CRAT: variants seen among roughly 807,000 people sequenced by gnomAD.
CRAT encodes the protein carnitine acetylase.
In CRAT, 66 loss-of-function variants were observed where a neutral mutation model predicts 73.7. The ratio of observed to expected loss-of-function variants is 0.90; its 90% CI spans 0.73 to 1.10. The LOEUF (loss-of-function observed/expected upper bound fraction) is 1.10, where lower values mean the gene tolerates loss of function less well. Among genes scored for constraint, CRAT ranks in the 50% least tolerant of loss-of-function variants. The pLI is 0.00. For synonymous variants in CRAT, 321 were observed against 343.2 expected (o/e 0.94, Z 0.71); for missense variants, 745 against 846.9 (o/e 0.88, Z 1.49).
At chr9:129,096,365 G>A (rs1427480121) in intron 12 of CRAT, among the ~76,000 whole-genome samples, 1 of 152,246 alleles carries the variant, frequency 6.6e-6, no homozygotes, top group Non-Finnish European at 1.5e-5. Context: ...GTAGGGCAGG[G>A]CCCTGGAGCT....
In CRAT at chr9:129,107,332, G is replaced by A. The variant is rs1848076586; in HGVS notation, c.291+482C>T. ...TAGGTGTGAGTCACTGCATCCAGCTGCCACTTTTTAAATCTGTGTATTGAA... is the reference window on the plus strand; with the variant it reads ...TAGGTGTGAGTCACTGCATCCAGCTACCACTTTTTAAATCTGTGTATTGAA... On this transcript the variant is annotated intron_variant, in intron 2 of 13. Transcript: ENST00000318080. This position sits in a 1 kb window ranked among gnomAD's most constrained non-coding sequence, Gnocchi z 5.0. The A allele has an allele frequency of 4.8e-6, 2 of 414,804 alleles. No individual in the cohort carries two copies. Among genetic ancestry groups the A allele is most frequent in the South Asian group, 6.2e-5 (2 of 32,052 alleles). 25.7% of individuals were successfully genotyped at this position (414,804 alleles called of 1,614,324 possible). A position where few individuals can be genotyped will look rare whatever the true frequency, so the allele number is the denominator to read the frequency against.
rs1158030066 is a variant in CRAT, at chr9:129,103,301, A to G, written c.411-235T>C. Reference sequence around the variant, plus strand: ...AGGGCTCGGGGAAGTGCTGGTGGCCAAGGGCCTAGTAGGACTTGGGTGCTG... The same window carrying G: ...AGGGCTCGGGGAAGTGCTGGTGGCCGAGGGCCTAGTAGGACTTGGGTGCTG... On this transcript the variant is annotated intron_variant, in intron 3 of 13. Coordinates refer to ENST00000318080, the MANE Select transcript of CRAT (RefSeq NM_000755.5). The surrounding 1 kb of genome is among the most constrained non-coding windows in gnomAD (Gnocchi z 4.6). Among the ~76,000 whole-genome samples, 3 of 152,140 alleles carry G rather than the reference A, an allele frequency of 2.0e-5. No homozygotes were observed. The highest frequency in any genetic ancestry group is 4.4e-5 in the Non-Finnish European group (3 of 68,000).
chr9:129,108,539 G>T, intron 1 of CRAT: 1 of 1,145,854 alleles, frequency 8.7e-7, no homozygotes, highest in Non-Finnish European at 1.1e-6. Flanking sequence ...GACAATGGCA[G>T]CACCTTCGGG....
At chr9:129,100,915 G>A (rs1213987566) in intron 6 of CRAT, among the ~76,000 whole-genome samples, 3 of 152,160 alleles carry the variant, frequency 2.0e-5, no homozygotes, top group African/African-American at 2.4e-5. Context: ...AGCACTCCTC[G>A]AGGCAGGGCC....
intron 1 of CRAT, chr9:129,109,116 T>C (rs543162685): frequency 2.4e-4 from 307 of 1,301,328 alleles, no homozygotes; most frequent in Admixed American, 3.5e-4. Context: ...GAAAGTTCTT[T>C]CCTTTCTTCT....
At chr9:129,099,821 T>C (rs1420092382) in intron 8 of CRAT, 45 bp downstream of exon 8, 1 of 1,441,472 alleles carries the variant, frequency 6.9e-7, no homozygotes, top group Admixed American at 1.7e-5. Flanking sequence ...GTGTCACCTG[T>C]CACTAGAAGC....
chr9:129,101,125 T>TCTA (rs1354299356), intron 6 of CRAT, among the ~76,000 whole-genome samples: 7 of 152,190 alleles, frequency 4.6e-5, no homozygotes, highest in African/African-American at 1.7e-4. Context: ...GGACTTGGAC[T>TCTA]CTAATCCTAA....
intron 11 of CRAT, 174 bp downstream of exon 11, chr9:129,097,839 C>T (rs1847378218): frequency 4.5e-6 from 4 of 892,430 alleles, no homozygotes; most frequent in African/African-American, 1.7e-5. Flanking sequence ...CTCCCTTTTC[C>T]TCTTTGGTCC....
intron 1 of CRAT, chr9:129,109,333 G>C: frequency 8.0e-7 from 1 of 1,243,656 alleles, no homozygotes; most frequent in South Asian, 1.3e-5. Flanking sequence ...ATCAGTGGAT[G>C]GGACAGCCAG....
chr9:129,100,505 C>T lies in CRAT; in HGVS notation c.984+6G>A, dbSNP rs1358820190. 4 of 1,610,754 alleles carry T rather than the reference C, an allele frequency of 2.5e-6. No individual in the cohort carries two copies. The highest frequency in any genetic ancestry group is 3.4e-6 in the Non-Finnish European group (4 of 1,178,610). ...TGTGAGTGGGCGAAGCCCTGCCGGG[C>T]CTCACCTGCAGCGTCTTGTCGAACC... On this transcript the variant is annotated splice_donor_region_variant and intron_variant, in intron 7 of 13. Transcript: ENST00000318080.
chr9:129,106,166 G>T lies in CRAT; in HGVS notation c.291+1648C>A, dbSNP rs1848003548. 6.6e-6 allele frequency among the ~76,000 whole-genome samples: 1 copy of T among 152,142 alleles called. No individual in the cohort carries two copies. Among genetic ancestry groups the T allele is most frequent in the African/African-American group, 2.4e-5 (1 of 41,418 alleles). On this transcript the variant is annotated intron_variant, in intron 2 of 13. Transcript: ENST00000318080. The surrounding 1 kb of genome is among the most constrained non-coding windows in gnomAD (Gnocchi z 4.0). ...GCAACTTGGCAAGGGGTGAGGGGGAGGCAACTTGTCCCCAAGTTGTACAAC... is the reference window on the plus strand; with the variant it reads ...GCAACTTGGCAAGGGGTGAGGGGGATGCAACTTGTCCCCAAGTTGTACAAC...
At position 129,107,278 on chromosome 9, in the gene CRAT, C is replaced by T. The variant is rs564691101; in HGVS notation, c.291+536G>A. On this transcript the variant is annotated intron_variant, in intron 2 of 13. Coordinates refer to ENST00000318080, the MANE Select transcript of CRAT (RefSeq NM_000755.5). The surrounding 1 kb of genome is among the most constrained non-coding windows in gnomAD (Gnocchi z 5.0). ...CGAACTCCTGACCTTGTGATCTGCC[C>T]GCCTTGGACTCCCAAAGTGCTGGGA... 2.7e-5 allele frequency: 7 copies of T among 255,768 alleles called. No homozygotes were observed. The highest frequency in any genetic ancestry group is 9.7e-5 in the East Asian group (1 of 10,332). The allele number at this position is 255,768 out of a possible 1,614,324, so 15.8% of individuals were successfully genotyped here.
chr9:129,097,114 A>G lies in CRAT; in HGVS notation c.1527+136T>C, dbSNP rs3739842. On this transcript the variant is annotated intron_variant, in intron 12 of 13. Coordinates refer to ENST00000318080, the MANE Select transcript of CRAT (RefSeq NM_000755.5). Reference sequence around the variant, plus strand: ...GTTGGGGGCTATTCAGCCTGGCTCCAGGTGCTCCCAGGTTGGGGGAGATGT... The same window carrying G: ...GTTGGGGGCTATTCAGCCTGGCTCCGGGTGCTCCCAGGTTGGGGGAGATGT... The G allele has an allele frequency of 2.0e-3, 1,286 of 647,682 alleles. 25 individuals carry two copies. In the East Asian group the frequency reaches 0.037, roughly 19 times the overall value. The allele number at this position is 647,682 out of a possible 1,614,324, so 40.1% of individuals were successfully genotyped here.
rs1026027180 is a variant in CRAT at position 129,103,894 on chromosome 9, CG to C, written c.410+293del. ...AGAGGTGAAGTGCTAAAACTGGGGT[CG>C]GGGAGAAGCCTCAGGTATGGAGGAG... On this transcript the variant is annotated intron_variant, in intron 3 of 13. Transcript: ENST00000318080. The surrounding 1 kb of genome is among the most constrained non-coding windows in gnomAD (Gnocchi z 4.6). 5.0e-4 allele frequency among the ~76,000 whole-genome samples: 76 copies of C among 152,128 alleles called. No individual in the cohort carries two copies. Among genetic ancestry groups the C allele is most frequent in the African/African-American group, 1.7e-3 (72 of 41,492 alleles).
rs770284754 is a variant in CRAT, at chr9:129,098,001, C to T, written c.1464+12G>A. ...AGGCCCAGCTCACCCACCCTCGCCC[C>T]AGACCTCTCACCGTGACGCTGGAGT... On this transcript the variant is annotated intron_variant, in intron 11 of 13. Transcript: ENST00000318080. 23 of 1,612,078 alleles carry T rather than the reference C, an allele frequency of 1.4e-5. No homozygotes were observed. Among genetic ancestry groups the T allele is most frequent in the Non-Finnish European group, 2.0e-5 (23 of 1,179,424 alleles).
chr9:129,097,713 A>AG, intron 11 of CRAT: 1 of 407,938 alleles, frequency 2.5e-6, no homozygotes, highest in Non-Finnish European at 4.4e-6. Flanking sequence ...TTTCTAAAAA[A>AG]AAACAAGAAA....
chr9:129,109,407 G>A (rs890283609), intron 1 of CRAT: 32 of 613,806 alleles, frequency 5.2e-5, no homozygotes, highest in Middle Eastern at 1.2e-3. Context: ...ATCCCTCTAC[G>A]AACACTCATT....
intron 11 of CRAT, 45 bp from the exon 12 acceptor site, chr9:129,097,357 C>T (rs897473836): frequency 6.7e-7 from 1 of 1,488,126 alleles, no homozygotes; most frequent in South Asian, 1.2e-5. Flanking sequence ...TGTCCCTTCT[C>T]TTCTGGCCCA....
chr9:129,100,717 C>A (rs1456286356), intron 6 of CRAT, 28 bp from the exon 7 acceptor site: 2 of 1,600,734 alleles, frequency 1.2e-6, no homozygotes, highest in Non-Finnish European at 1.7e-6. Context: ...CGGGGAGACG[C>A]AAAATGGGGT....
Sources: gnomAD v4.1 joint callset for allele counts (sites outside exome capture counted in the v4.1 genomes callset) on GRCh38, gnomAD v4.1.1 for gene constraint, Gnocchi (gnomAD v3.1) non-coding constraint, MANE v1.5 for transcripts, NCBI Gene and HGNC (gene_info 2026-07-23, HGNC 2026-07-21) for gene names.